Variants in SBNO2 observed in about 807,000 individuals in gnomAD.
SBNO2 encodes the protein strawberry notch homolog 2.
In SBNO2, 89 loss-of-function variants were observed where a neutral mutation model predicts 146.3. The ratio of observed to expected loss-of-function variants is 0.61; its 90% CI spans 0.51 to 0.73. SBNO2 has a LOEUF of 0.73. Ranked by LOEUF, SBNO2 falls within the 30% of genes least tolerant of loss-of-function variation. The pLI, the probability that SBNO2 is intolerant of heterozygous loss-of-function variation, is 0.00. For synonymous variants in SBNO2, 1,147 were observed against 892.6 expected (o/e 1.29, Z -5.08); for missense variants, 2,092 against 2,003.7 (o/e 1.04, Z -0.84).
At chr19:1,146,476 G>A (rs537076590) in intron 4 of SBNO2, among the ~76,000 whole-genome samples, 3 of 152,254 alleles carry the variant, frequency 2.0e-5, no homozygotes, top group South Asian at 4.1e-4. Context: ...CTGAGGCCCA[G>A]GCAGATCTCA....
rs2079968645 is a variant in SBNO2, at chr19:1,126,622, C to T, written c.441+982G>A. On this transcript the variant is annotated intron_variant, in intron 5 of 31. Coordinates refer to ENST00000361757, the MANE Select transcript of SBNO2 (RefSeq NM_014963.3). The surrounding 1 kb of genome is among the most constrained non-coding windows in gnomAD (Gnocchi z 4.4). ...TGCCCTGATGCTTCCTGCCTGGGCC[C>T]CCAAGCCCGTGAGTTCTGCTGCCCG... 6.6e-6 allele frequency among the ~76,000 whole-genome samples: 1 copy of T among 152,128 alleles called. No homozygotes were observed.
chr19:1,149,145 C>T (rs376661443), intron 3 of SBNO2, among the ~76,000 whole-genome samples: 1 of 145,500 alleles, frequency 6.9e-6, no homozygotes. Flanking sequence ...GCTGGGCTCT[C>T]GAGGAGAGGG....
Position 1,109,790 on chromosome 19 carries a change from G to A in SBNO2, c.3029-13C>T, listed in dbSNP as rs757789256. The A allele has an allele frequency of 1.9e-6, 3 of 1,560,824 alleles. No homozygotes were observed. Among genetic ancestry groups the A allele is most frequent in the Non-Finnish European group, 2.6e-6 (3 of 1,145,758 alleles). ...CCGGGAGCAAGGTCTAGGGGGGCGG[G>A]TGGAGGGTAAGTGGTGTCCAGGCCT... On this transcript the variant is annotated splice_polypyrimidine_tract_variant and intron_variant, in intron 26 of 31. Transcript: ENST00000361757. The surrounding 1 kb of genome is among the most constrained non-coding windows in gnomAD (Gnocchi z 4.2).
At chr19:1,139,381 GGACAAT>G (rs1210415003) in intron 4 of SBNO2, among the ~76,000 whole-genome samples, 1 of 152,152 alleles carries the variant, frequency 6.6e-6, no homozygotes, top group Non-Finnish European at 1.5e-5. Context: ...TCCTCTAGGG[GGACAAT>G]GATCTGGAAT....
intron 9 of SBNO2, 36 bp downstream of exon 9, chr19:1,122,622 C>CCCCGCT (rs1471012905): frequency 1.3e-6 from 2 of 1,511,334 alleles, no homozygotes; most frequent in Non-Finnish European, 1.8e-6. Context: ...CGCCCCCCAC[C>CCCCGCT]CCCGCTCCCG....
At chr19:1,113,834 G>A (rs1489379573) in intron 18 of SBNO2, 130 bp from the exon 19 acceptor site, 9 of 1,220,890 alleles carry the variant, frequency 7.4e-6, no homozygotes, top group Non-Finnish European at 8.6e-6. Context: ...AGGGTGGCGG[G>A]GAAGCCCGGC....
chr19:1,109,914 G>T lies in SBNO2; in HGVS notation c.3029-137C>A. 1.5e-6 allele frequency: 1 copy of T among 656,256 alleles called. No homozygotes were observed. The highest frequency in any genetic ancestry group is 2.6e-6 in the Non-Finnish European group (1 of 385,470). 40.7% of individuals were successfully genotyped at this position (656,256 alleles called of 1,614,324 possible). ...GAGAGGGTGTCCTGGATCCTGGCCT[G>T]ACCTGGCCCAGCGTGGGGATGGTGC... On this transcript the variant is annotated intron_variant, in intron 26 of 31. Coordinates refer to ENST00000361757, the MANE Select transcript of SBNO2 (RefSeq NM_014963.3). This position sits in a 1 kb window ranked among gnomAD's most constrained non-coding sequence, Gnocchi z 4.2.
At position 1,173,049 on chromosome 19, in the gene SBNO2, C is replaced by G. The variant is rs1049213428; in HGVS notation, c.-127+1123G>C. On this transcript the variant is annotated intron_variant, in intron 1 of 31. Coordinates refer to ENST00000361757, the MANE Select transcript of SBNO2 (RefSeq NM_014963.3). This position sits in a 1 kb window ranked among gnomAD's most constrained non-coding sequence, Gnocchi z 4.7. The stretch of plus-strand genomic sequence containing the variant: ...TAATCAGTTCATCCAGGGAGACACC[C>G]ACCGTCCCTGCCCCAGCACCATCCG... 6.6e-6 allele frequency among the ~76,000 whole-genome samples: 1 copy of G among 151,454 alleles called. No individual in the cohort carries two copies. Among genetic ancestry groups the G allele is most frequent in the Non-Finnish European group, 1.5e-5 (1 of 67,924 alleles).
intron 1 of SBNO2, chr19:1,154,980 A>G (rs1450005913): frequency 6.6e-6 from 1 of 152,280 alleles, no homozygotes. Flanking sequence ...CCTGGGCTAC[A>G]GAGCCGAGCC....
intron 1 of SBNO2, among the ~76,000 whole-genome samples, chr19:1,165,920 CCAGATCT>C (rs148319868): frequency 2.3e-5 from 3 of 128,456 alleles, no homozygotes; most frequent in South Asian, 2.9e-4. Flanking sequence ...ACCCCAGATC[CCAGATCT>C]CAGACCCCAA....
Position 1,119,092 on chromosome 19 carries a change from G to A in SBNO2, c.1446C>T (p.Ser482=), listed in dbSNP as rs564398266. 2.5e-6 allele frequency: 4 copies of A among 1,605,648 alleles called. No homozygotes were observed. Among genetic ancestry groups the A allele is most frequent in the African/African-American group, 1.3e-5 (1 of 74,968 alleles). The change falls in exon 14 of 32, where the codon AGC becomes AGT. Residue 482 remains serine (S), a synonymous_variant. Transcript: ENST00000361757. ...CGATGCGGAAGGTGACGCCGGAGAAGCTGAGCTGGCGTGCGATGTACATGC... is the reference window on the plus strand; with the variant it reads ...CGATGCGGAAGGTGACGCCGGAGAAACTGAGCTGGCGTGCGATGTACATGC... ...VSGMYIARQL[S]FSGVTFRIEE...
Position 1,144,706 on chromosome 19 carries a change from A to C in SBNO2, c.279+2603T>G, listed in dbSNP as rs762268729. ...GAGAGGGCGACAGAGACAGAGAGGG[A>C]AACAGACACAGAGGCAGAGAGGGAG... On this transcript the variant is annotated intron_variant, in intron 4 of 31. Transcript: ENST00000361757. The surrounding 1 kb of genome is among the most constrained non-coding windows in gnomAD (Gnocchi z 4.1). Among the ~76,000 whole-genome samples, 25 of 151,796 alleles carry C rather than the reference A, an allele frequency of 1.6e-4. No homozygotes were observed. Among genetic ancestry groups the C allele is most frequent in the Non-Finnish European group, 2.8e-4 (19 of 67,938 alleles).
chr19:1,166,187 ACTTCAGATC>A (rs2080422213), intron 1 of SBNO2, among the ~76,000 whole-genome samples: 2 of 46,170 alleles, frequency 4.3e-5, no homozygotes, highest in Non-Finnish European at 9.3e-5. Context: ...CAGATCCCAG[ACTTCAGATC>A]CCCGGATCCC....
chr19:1,119,438 C>CA, intron 13 of SBNO2, 78 bp downstream of exon 13: 1 of 1,174,530 alleles, frequency 8.5e-7, no homozygotes, highest in Non-Finnish European at 1.2e-6. Context: ...CGTGGCAGTG[C>CA]CAGGCCTTGG....
rs1599834698 is a variant in SBNO2 at position 1,118,860 on chromosome 19, A to G, written c.1527+151T>C. The G allele has an allele frequency of 1.3e-5, 10 of 744,312 alleles. No individual in the cohort carries two copies. The East Asian group carries it at 2.7e-4, about 20-fold the overall frequency. The allele number at this position is 744,312 out of a possible 1,614,324, so 46.1% of individuals were successfully genotyped here. On this transcript the variant is annotated intron_variant, in intron 14 of 31. Coordinates refer to ENST00000361757, the MANE Select transcript of SBNO2 (RefSeq NM_014963.3). ...GCACTCCAGCCTAGATGACAGCACG[A>G]GACTGTCTCAAAAAAACAACAAAAA...
chr19:1,171,298 A>C (rs1466921292), intron 1 of SBNO2, among the ~76,000 whole-genome samples: 1 of 151,960 alleles, frequency 6.6e-6, no homozygotes, highest in Non-Finnish European at 1.5e-5. Flanking sequence ...CACACACAGA[A>C]TGCACGTGCG....
At chr19:1,120,934 T>C (rs1466467325) in intron 11 of SBNO2, among the ~76,000 whole-genome samples, 1 of 151,744 alleles carries the variant, frequency 6.6e-6, no homozygotes, top group East Asian at 1.9e-4. Context: ...CTCTGTCGCC[T>C]GGGCTGGAGA....
At position 1,109,245 on chromosome 19, in the gene SBNO2, G is replaced by A. The variant is rs1463059978; in HGVS notation, c.3349-34C>T. The stretch of plus-strand genomic sequence containing the variant: ...ACAGGGCCGCATGAGCCTGGGCGGG[G>A]TCAGGGCCGGCAACCCGAGCGAAAG... On this transcript the variant is annotated intron_variant, in intron 29 of 31. Transcript: ENST00000361757. This position sits in a 1 kb window ranked among gnomAD's most constrained non-coding sequence, Gnocchi z 4.2. The A allele has an allele frequency of 1.9e-6, 3 of 1,573,770 alleles. No homozygotes were observed. Among genetic ancestry groups the A allele is most frequent in the East Asian group, 4.7e-5 (2 of 42,750 alleles).
rs769665791 is a variant in SBNO2, at chr19:1,108,192, C to T, written c.*28G>A. 5 of 1,518,666 alleles carry T rather than the reference C, an allele frequency of 3.3e-6. No individual in the cohort carries two copies. Among genetic ancestry groups the T allele is most frequent in the South Asian group, 1.2e-5 (1 of 82,756 alleles). The allele number at this position is 1,518,666 out of a possible 1,614,324, so 94.1% of individuals were successfully genotyped here. A position where few individuals can be genotyped will look rare whatever the true frequency, so the allele number is the denominator to read the frequency against. ...CCTAGGGGAGAAACGGTCCCTGTGTCTTGGGGCATGTTTCGCCTAAAGGCG... is the reference window on the plus strand; with the variant it reads ...CCTAGGGGAGAAACGGTCCCTGTGTTTTGGGGCATGTTTCGCCTAAAGGCG... On this transcript the variant is annotated 3_prime_UTR_variant, in exon 32 of 32. Transcript: ENST00000361757.
Sources: allele counts gnomAD v4.1 joint callset (sites outside exome capture counted in the v4.1 genomes callset), GRCh38; gene constraint gnomAD v4.1.1; non-coding constraint Gnocchi (gnomAD v3.1); transcripts MANE v1.5; gene names NCBI Gene and HGNC (gene_info 2026-07-23, HGNC 2026-07-21).